DLG1: variants seen among roughly 807,000 people sequenced by gnomAD.
The protein encoded by DLG1 is disks large homolog 1.
DLG1 carries 42 observed loss-of-function variants against 123.4 expected under a neutral mutation model. The observed-to-expected ratio is 0.34, with a 90% CI of 0.27 to 0.44. DLG1 has a LOEUF of 0.44. Among genes scored for constraint, DLG1 ranks in the 20% least tolerant of loss-of-function variants. The pLI, the probability that DLG1 is intolerant of heterozygous loss-of-function variation, is 1.00. For missense variants in DLG1, 942 were observed against 1,082.6 expected (o/e 0.87, Z 1.82); for synonymous variants, 317 against 356.2 (o/e 0.89, Z 1.24).
intron 5 of DLG1, among the ~76,000 whole-genome samples, chr3:197,162,760 C>G (rs970086975): frequency 6.6e-6 from 1 of 152,080 alleles, no homozygotes; most frequent in East Asian, 1.9e-4. Flanking sequence ...AAACATAAAA[C>G]TCTTACAAGA....
At chr3:197,059,124 A>G (rs1399920732) in intron 23 of DLG1, among the ~76,000 whole-genome samples, 1 of 152,044 alleles carries the variant, frequency 6.6e-6, no homozygotes, top group Admixed American at 6.5e-5. Context: ...ACGGGGTTTC[A>G]CCGTGTTGGC....
At chr3:197,094,583 C>A (rs1287917438) in intron 14 of DLG1, among the ~76,000 whole-genome samples, 3 of 152,156 alleles carry the variant, frequency 2.0e-5, no homozygotes. Context: ...TGTACCTTAT[C>A]AAAATTGTCA....
chr3:197,150,225 A>G (rs1336365117), intron 5 of DLG1, among the ~76,000 whole-genome samples: 2 of 150,260 alleles, frequency 1.3e-5, no homozygotes, highest in East Asian at 1.9e-4. Context: ...TTAAACAAGG[A>G]AAAAAAAAAG....
At chr3:197,250,980 C>CAAAAAAA (rs34378051) in intron 4 of DLG1, among the ~76,000 whole-genome samples, 1 of 87,108 alleles carries the variant, frequency 1.1e-5, no homozygotes, top group Non-Finnish European at 2.3e-5. Context: ...AAGACTCCAT[C>CAAAAAAA]AAAAAAAAAA....
At chr3:197,209,770 G>C (rs1730378414) in intron 4 of DLG1, among the ~76,000 whole-genome samples, 1 of 146,426 alleles carries the variant, frequency 6.8e-6, no homozygotes, top group Non-Finnish European at 1.5e-5. Context: ...ATGGTTCAAA[G>C]AACTCAAGAA....
intron 5 of DLG1, among the ~76,000 whole-genome samples, chr3:197,176,041 C>T (rs907342649): frequency 7.2e-5 from 11 of 151,988 alleles, no homozygotes; most frequent in African/African-American, 2.4e-4. Flanking sequence ...ACAGAAACGC[C>T]ATCTAAACAA....
chr3:197,244,541 A>G (rs2150773745), intron 4 of DLG1, among the ~76,000 whole-genome samples: 1 of 152,080 alleles, frequency 6.6e-6, no homozygotes, highest in South Asian at 2.1e-4. Flanking sequence ...AGGAAAGGAT[A>G]ATTGTCTGAC....
chr3:197,208,423 T>A (rs1278100361), intron 4 of DLG1, among the ~76,000 whole-genome samples: 1 of 146,784 alleles, frequency 6.8e-6, no homozygotes, highest in Non-Finnish European at 1.5e-5. Flanking sequence ...CCTATAGAAA[T>A]ATTGCCATGT....
rs1229031621 is a variant in DLG1 at position 197,246,695 on chromosome 3, A to G, written c.318+35984T>C. 2.0e-5 allele frequency among the ~76,000 whole-genome samples: 3 copies of G among 152,292 alleles called. No homozygotes were observed. In the East Asian group the frequency reaches 5.8e-4, roughly 29 times the overall value. ...TCACCCTCTTGTTTGCGTTAATGAAAAGGTGAAATGATTTTTCTAGGGATG... is the reference window on the plus strand; with the variant it reads ...TCACCCTCTTGTTTGCGTTAATGAAGAGGTGAAATGATTTTTCTAGGGATG... On this transcript the variant is annotated intron_variant, in intron 4 of 24. Coordinates refer to ENST00000667157, the MANE Select transcript of DLG1 (RefSeq NM_001366207.1).
chr3:197,074,639 C>T (rs73208263), intron 18 of DLG1, among the ~76,000 whole-genome samples: 24,703 of 151,854 alleles, frequency 0.16, 2,135 homozygotes, highest in Middle Eastern at 0.18. Flanking sequence ...TGATAATTTT[C>T]CCCAAATGTA....
At chr3:197,215,723 C>T (rs1046076613) in intron 4 of DLG1, among the ~76,000 whole-genome samples, 1 of 151,976 alleles carries the variant, frequency 6.6e-6, no homozygotes, top group Non-Finnish European at 1.5e-5. Flanking sequence ...CAAAAATATA[C>T]AAAATCAACA....
chr3:197,296,570 G>T, intron 2 of DLG1, 93 bp from the exon 3 acceptor site: 1 of 1,183,392 alleles, frequency 8.5e-7, no homozygotes, highest in Non-Finnish European at 1.2e-6. Flanking sequence ...CATCTAAATA[G>T]TTCCGCAAAT....
chr3:197,268,585 T>TA (rs1762652036), intron 4 of DLG1, among the ~76,000 whole-genome samples: 1 of 151,700 alleles, frequency 6.6e-6, no homozygotes, highest in African/African-American at 2.4e-5. Flanking sequence ...CAACCACGCC[T>TA]AATTTTTTTT....
At chr3:197,127,503 GA>G in intron 11 of DLG1, among the ~76,000 whole-genome samples, 1 of 55,710 alleles carries the variant, frequency 1.8e-5, no homozygotes, top group Admixed American at 2.1e-4. Context: ...TATAAAGTAA[GA>G]AACCTAAAAA....
At chr3:197,128,554 TG>T (rs1012416796) in intron 11 of DLG1, among the ~76,000 whole-genome samples, 4 of 152,260 alleles carry the variant, frequency 2.6e-5, no homozygotes, top group Non-Finnish European at 4.4e-5. Flanking sequence ...GAATCATGAA[TG>T]TCCTTAAAGG....
At chr3:197,290,622 A>AC (rs1774362193) in intron 3 of DLG1, among the ~76,000 whole-genome samples, 1 of 152,210 alleles carries the variant, frequency 6.6e-6, no homozygotes, top group South Asian at 2.1e-4. Context: ...AAAAAAAGTA[A>AC]GAGTGGAAGG....
chr3:197,244,023 T>C (rs1750321075), intron 4 of DLG1, among the ~76,000 whole-genome samples: 1 of 152,148 alleles, frequency 6.6e-6, no homozygotes, highest in African/African-American at 2.4e-5. Flanking sequence ...CCAGTAATAG[T>C]CCACCACAAT....
intron 14 of DLG1, among the ~76,000 whole-genome samples, chr3:197,101,579 C>G (rs577511786): frequency 1.4e-4 from 21 of 152,082 alleles, no homozygotes; most frequent in African/African-American, 3.9e-4. Context: ...TTAGTAGAGA[C>G]GGGGTTTCAC....
intron 4 of DLG1, among the ~76,000 whole-genome samples, chr3:197,234,555 T>C (rs1744952131): frequency 1.3e-5 from 2 of 152,204 alleles, no homozygotes; most frequent in Non-Finnish European, 2.9e-5. Flanking sequence ...CAGACAAGCA[T>C]AGTTTTAAAG....
Sources: allele counts gnomAD v4.1 joint callset (sites outside exome capture counted in the v4.1 genomes callset), GRCh38; gene constraint gnomAD v4.1.1; transcripts MANE v1.5; gene names NCBI Gene and HGNC (gene_info 2026-07-23, HGNC 2026-07-21).